The following SAFB variants were observed in gnomAD, a reference collection of about 807,000 sequenced individuals.
SAFB encodes the protein scaffold attachment factor B1.
A neutral mutation model predicts 101.6 loss-of-function variants in SAFB; 15 were observed. That is an observed-to-expected ratio of 0.15 (90% CI 0.10 to 0.23). The LOEUF (loss-of-function observed/expected upper bound fraction) is 0.23. Among genes scored for constraint, SAFB ranks in the 10% least tolerant of loss-of-function variants. The pLI is 1.00. For missense variants in SAFB, 930 were observed against 1,104.1 expected (o/e 0.84, Z 2.23); for synonymous variants, 449 against 407.5 (o/e 1.10, Z -1.23).
chr19:5,656,502 C>T (rs1242441960), intron 13 of SAFB, among the ~76,000 whole-genome samples: 1 of 151,552 alleles, frequency 6.6e-6, no homozygotes, highest in Non-Finnish European at 1.5e-5. Flanking sequence ...TCTCAAACTC[C>T]TGACTTCAAG....
rs143761159 is a variant in SAFB, at chr19:5,668,230, G to A, written c.2693G>A (p.Gly898Glu). The A allele has an allele frequency of 3.1e-4, 505 of 1,610,662 alleles. 3 individuals carry two copies. Among genetic ancestry groups the A allele is most frequent in the Admixed American group, 2.0e-4 (12 of 59,060 alleles). The change falls in exon 21 of 21, where the codon GGG becomes GAG. Residue 898 changes from glycine to glutamate, a missense_variant. By Grantham distance (98) the Gly-to-Glu change is moderately conservative (BLOSUM62 -2). This residue lies in a region of SAFB where 318 missense variants were observed against 342.6 expected (regional missense o/e 0.93). Transcript: ENST00000588852. Reference protein sequence around the residue: ...HPIPHGGMQGGFGGQSRGSRP... With the variant: ...HPIPHGGMQGEFGGQSRGSRP... ...ATCCCACACGGTGGCATGCAGGGCG[G>A]GTTTGGAGGCCAGAGCCGGGGGAGC...
intron 2 of SAFB, among the ~76,000 whole-genome samples, chr19:5,629,156 A>G (rs929020402): frequency 3.9e-5 from 6 of 152,240 alleles, no homozygotes; most frequent in African/African-American, 1.4e-4. Context: ...GGGACAGCCC[A>G]CTACTAAAAG....
chr19:5,631,038 A>AAATT (rs1177756839), intron 2 of SAFB, among the ~76,000 whole-genome samples: 1 of 152,068 alleles, frequency 6.6e-6, no homozygotes, highest in Non-Finnish European at 1.5e-5. Context: ...AAAAATACAA[A>AAATT]AATTAGCTGG....
At chr19:5,624,338 GGT>G (rs1568241853) in intron 1 of SAFB, among the ~76,000 whole-genome samples, 1 of 151,884 alleles carries the variant, frequency 6.6e-6, no homozygotes, top group African/African-American at 2.4e-5. Context: ...GTAAACACTC[GGT>G]GTGTGGTTGC....
chr19:5,650,001 C>T (rs374315836), intron 8 of SAFB, 26 bp downstream of exon 8: 6 of 1,595,112 alleles, frequency 3.8e-6, no homozygotes, highest in Non-Finnish European at 8.6e-7. Context: ...GACACCAGTC[C>T]CTTGGAGCAT....
chr19:5,631,159 C>T (rs1019226957), intron 2 of SAFB, among the ~76,000 whole-genome samples: 1 of 152,144 alleles, frequency 6.6e-6, no homozygotes, highest in Admixed American at 6.5e-5. Context: ...TGCTGCACTC[C>T]AGCCTGGGCA....
At chr19:5,653,055 T>A in intron 9 of SAFB, 60 bp from the exon 10 acceptor site, 1 of 1,583,836 alleles carries the variant, frequency 6.3e-7, no homozygotes, top group Non-Finnish European at 8.6e-7. Flanking sequence ...GGTGTTCATA[T>A]CCCCATGCCC....
intron 2 of SAFB, among the ~76,000 whole-genome samples, chr19:5,638,968 C>G (rs1422313780): frequency 1.3e-5 from 2 of 151,690 alleles, no homozygotes; most frequent in African/African-American, 4.8e-5. Flanking sequence ...CTCAGATGAT[C>G]CACCCGCCTT....
intron 1 of SAFB, among the ~76,000 whole-genome samples, chr19:5,625,395 G>T (rs889597881): frequency 6.6e-6 from 1 of 152,174 alleles, no homozygotes; most frequent in Non-Finnish European, 1.5e-5. Context: ...CCCTTTTCTG[G>T]CTTCTGAGAG....
chr19:5,640,135 G>A (rs1599337179), intron 2 of SAFB, among the ~76,000 whole-genome samples: 1 of 151,920 alleles, frequency 6.6e-6, no homozygotes, highest in African/African-American at 2.4e-5. Context: ...TTACAGGCGT[G>A]AGCCACCGCG....
intron 7 of SAFB, 118 bp downstream of exon 7, chr19:5,649,617 G>A (rs1391033267): frequency 3.6e-6 from 2 of 561,736 alleles, no homozygotes; most frequent in African/African-American, 3.9e-5. Flanking sequence ...TTGTAGTTTT[G>A]CTTCTAAAGA....
At chr19:5,661,951 C>A in intron 15 of SAFB, 143 bp downstream of exon 15, 2 of 656,560 alleles carry the variant, frequency 3.0e-6, no homozygotes, top group South Asian at 4.0e-5. Flanking sequence ...GTGACCCGAT[C>A]TTGGCTCACT....
At chr19:5,649,755 T>C (rs1328039083) in intron 7 of SAFB, 171 bp from the exon 8 acceptor site, 3 of 786,770 alleles carry the variant, frequency 3.8e-6, no homozygotes, top group Admixed American at 5.4e-5. Flanking sequence ...TTAACTCCTG[T>C]GGGTCTGAAA....
chr19:5,623,572 C>T (rs1309787354), intron 1 of SAFB, among the ~76,000 whole-genome samples, 178 bp downstream of exon 1: 4 of 152,184 alleles, frequency 2.6e-5, no homozygotes, highest in Non-Finnish European at 5.9e-5. Flanking sequence ...CCGGCTGGGC[C>T]TGGGTTCAAA....
At chr19:5,632,631 T>A (rs1423297558) in intron 2 of SAFB, among the ~76,000 whole-genome samples, 3 of 152,210 alleles carry the variant, frequency 2.0e-5, no homozygotes, top group Non-Finnish European at 4.4e-5. Flanking sequence ...TACACTTATT[T>A]TGTAGTTTAT....
intron 13 of SAFB, among the ~76,000 whole-genome samples, chr19:5,656,667 C>T (rs1056168691): frequency 2.0e-5 from 3 of 151,366 alleles, no homozygotes; most frequent in African/African-American, 7.3e-5. Flanking sequence ...ACTACTGCCT[C>T]CCAGGTTCAA....
At chr19:5,637,700 G>A (rs1331753898) in intron 2 of SAFB, among the ~76,000 whole-genome samples, 1 of 152,186 alleles carries the variant, frequency 6.6e-6, no homozygotes, top group African/African-American at 2.4e-5. Flanking sequence ...CACTGGGAAA[G>A]AGGCCTGGCA....
At chr19:5,644,521 G>A (rs192610842) in intron 4 of SAFB, among the ~76,000 whole-genome samples, 1 of 152,230 alleles carries the variant, frequency 6.6e-6, no homozygotes, top group South Asian at 2.1e-4. Flanking sequence ...TGCATGGCAG[G>A]AAGAAAGGAG....
intron 16 of SAFB, 54 bp from the exon 17 acceptor site, chr19:5,664,343 T>C: frequency 6.4e-7 from 1 of 1,550,872 alleles, no homozygotes; most frequent in Admixed American, 1.7e-5. Context: ...TGGTCCTCTC[T>C]TTGTGAACAA....
Sources: gnomAD v4.1 joint callset for allele counts (sites outside exome capture counted in the v4.1 genomes callset) on GRCh38, gnomAD v4.1.1 for gene constraint, gnomAD v4.1.1 regional missense constraint, MANE v1.5 for transcripts, NCBI Gene and HGNC (gene_info 2026-07-23, HGNC 2026-07-21) for gene names.